Variants in NIBAN1 observed in about 807,000 individuals in gnomAD.
NIBAN1 encodes the protein niban apoptosis regulator 1, also known as protein Niban 1.
NIBAN1 carries 81 observed loss-of-function variants against 75.1 expected under a neutral mutation model. The ratio of observed to expected loss-of-function variants is 1.08; its 90% CI spans 0.90 to 1.30. The LOEUF (loss-of-function observed/expected upper bound fraction) is 1.30, where lower values mean the gene tolerates loss of function less well. Ranked by LOEUF, NIBAN1 falls within the 50% of genes most tolerant of loss-of-function variation. NIBAN1 has a pLI of 0.00. For missense variants in NIBAN1, 1,133 were observed against 1,128.1 expected, an observed-to-expected ratio of 1.00 and a Z score of -0.06; for synonymous variants, 436 against 424.8, an observed-to-expected ratio of 1.03 and a Z score of -0.32.
At chr1:184,821,863 C>T (rs1235327326) in intron 8 of NIBAN1, among the ~76,000 whole-genome samples, 2 of 151,902 alleles carry the variant, frequency 1.3e-5, no homozygotes, top group Non-Finnish European at 2.9e-5. Context: ...AAATAGACAC[C>T]CAGAGATACA....
rs552724775 is a variant in NIBAN1, at chr1:184,794,192, G to T, written c.*785C>A. ...TGTTTAATTGACGGGTTTTAAGCTC[G>T]ATAACTTAGCTAAGCCCTTTGCACA... On this transcript the variant is annotated 3_prime_UTR_variant, in exon 14 of 14. Coordinates refer to ENST00000367511, the MANE Select transcript of NIBAN1 (RefSeq NM_052966.4). The T allele has an allele frequency of 6.6e-6, 1 of 152,150 alleles. No homozygotes were observed. The highest frequency in any genetic ancestry group is 1.5e-5 in the Non-Finnish European group (1 of 68,066). The allele number at this position is 152,150 out of a possible 1,614,324, so 9.4% of individuals were successfully genotyped here. A position where few individuals can be genotyped will look rare whatever the true frequency, so the allele number is the denominator to read the frequency against.
At chr1:184,924,161 A>C (rs1657628114) in intron 1 of NIBAN1, among the ~76,000 whole-genome samples, 1 of 152,118 alleles carries the variant, frequency 6.6e-6, no homozygotes, top group Non-Finnish European at 1.5e-5. Context: ...CAGATCTTAG[A>C]GGAAAGGATT....
chr1:184,872,289 G>T (rs576196892), intron 5 of NIBAN1, among the ~76,000 whole-genome samples: 1 of 151,606 alleles, frequency 6.6e-6, no homozygotes, highest in African/African-American at 2.4e-5. Context: ...TTTAAACTCC[G>T]TAGATAAGGT....
intron 1 of NIBAN1, among the ~76,000 whole-genome samples, chr1:184,934,073 A>G (rs1657892447): frequency 6.6e-6 from 1 of 152,230 alleles, no homozygotes; most frequent in South Asian, 2.1e-4. Context: ...GAATCAACCT[A>G]GGTGCCCATC....
intron 5 of NIBAN1, among the ~76,000 whole-genome samples, chr1:184,842,151 GT>G (rs1643634078): frequency 6.6e-6 from 1 of 152,160 alleles, no homozygotes; most frequent in African/African-American, 2.4e-5. Context: ...ACAAACCCAG[GT>G]TGCAAATGAT....
At chr1:184,912,661 C>G (rs1418442109) in intron 1 of NIBAN1, among the ~76,000 whole-genome samples, 1 of 152,178 alleles carries the variant, frequency 6.6e-6, no homozygotes, top group East Asian at 1.9e-4. Context: ...CATTTGTCTT[C>G]TTACTGACAT....
intron 5 of NIBAN1, among the ~76,000 whole-genome samples, chr1:184,854,125 T>A (rs1655615404): frequency 6.6e-6 from 1 of 152,210 alleles, no homozygotes; most frequent in African/African-American, 2.4e-5. Flanking sequence ...CTTTTATACC[T>A]ACAGCACATT....
intron 1 of NIBAN1, among the ~76,000 whole-genome samples, chr1:184,901,148 T>G (rs931970168): frequency 8.5e-5 from 13 of 152,162 alleles, no homozygotes; most frequent in Non-Finnish European, 1.9e-4. Flanking sequence ...CTACTTTTGT[T>G]TGGGAATTTA....
In NIBAN1 at chr1:184,974,438, AC is replaced by A; in HGVS notation, c.-83del. The A allele has an allele frequency of 6.7e-7, 1 of 1,486,558 alleles. No individual in the cohort carries two copies. The highest frequency in any genetic ancestry group is 9.0e-7 in the Non-Finnish European group (1 of 1,114,892). 92.1% of individuals were successfully genotyped at this position (1,486,558 alleles called of 1,614,324 possible). A position where few individuals can be genotyped will look rare whatever the true frequency, so the allele number is the denominator to read the frequency against. On this transcript the variant is annotated 5_prime_UTR_variant, in exon 1 of 14. Transcript: ENST00000367511. Reference sequence around the variant, plus strand: ...CTCCTGGAGGTTGATCCGACGGCGAACCCGGCTCTGAAATTAAGAGCAAACT... The same window carrying A: ...CTCCTGGAGGTTGATCCGACGGCGAACCGGCTCTGAAATTAAGAGCAAACT...
chr1:184,893,016 C>G (rs905042490), intron 3 of NIBAN1, among the ~76,000 whole-genome samples: 5 of 152,184 alleles, frequency 3.3e-5, no homozygotes, highest in African/African-American at 1.2e-4. Context: ...GGGTGATCCA[C>G]CTGCCTTGGC....
intron 5 of NIBAN1, among the ~76,000 whole-genome samples, chr1:184,863,071 A>G (rs16823626): frequency 0.079 from 12,045 of 152,112 alleles, 1,599 homozygotes; most frequent in African/African-American, 0.27. Flanking sequence ...CGTCCTCCTT[A>G]AAAGAGTTCT....
rs1204852407 is a variant in NIBAN1 at position 184,791,726 on chromosome 1, T to C, written c.*3251A>G. 3 of 152,016 alleles carry C rather than the reference T, an allele frequency of 2.0e-5. No homozygotes were observed. Among genetic ancestry groups the C allele is most frequent in the African/African-American group, 7.3e-5 (3 of 41,362 alleles). 9.4% of individuals were successfully genotyped at this position (152,016 alleles called of 1,614,324 possible). On this transcript the variant is annotated 3_prime_UTR_variant, in exon 14 of 14. Transcript: ENST00000367511. ...TTGCCCATAGGAGAGATACCCAGAGTGGCAAACAGAGGCTAAGGAAAAAAA... is the reference window on the plus strand; with the variant it reads ...TTGCCCATAGGAGAGATACCCAGAGCGGCAAACAGAGGCTAAGGAAAAAAA...
chr1:184,823,474 T>G, intron 7 of NIBAN1, 145 bp from the exon 8 acceptor site: 1 of 1,314,440 alleles, frequency 7.6e-7, no homozygotes, highest in Non-Finnish European at 1.0e-6. Context: ...AGTTGGAGTC[T>G]GTTTGGAACA....
chr1:184,920,914 AC>A (rs1657515455), intron 1 of NIBAN1, among the ~76,000 whole-genome samples: 1 of 152,126 alleles, frequency 6.6e-6, no homozygotes, highest in Non-Finnish European at 1.5e-5. Flanking sequence ...CAGGTGGATC[AC>A]CTGAGGTCAG....
In NIBAN1 at chr1:184,827,560, G is replaced by GTTTTTTTCT. The variant is rs1553217803; in HGVS notation, c.718-3819_718-3818insAGAAAAAAA. ...ACATAAGTGACCTAAAAATACTTCA[G>GTTTTTTTCT]TTTTTTTTTTTTTTAATGGGGGGTG... On this transcript the variant is annotated intron_variant, in intron 6 of 13. Coordinates refer to ENST00000367511, the MANE Select transcript of NIBAN1 (RefSeq NM_052966.4). 5.1e-5 allele frequency among the ~76,000 whole-genome samples: 6 copies of GTTTTTTTCT among 117,682 alleles called. 1 individual carries two copies. The South Asian group carries it at 7.5e-4, about 15-fold the overall frequency. 77.2% of individuals were successfully genotyped at this position (117,682 alleles called of 152,430 possible).
intron 5 of NIBAN1, among the ~76,000 whole-genome samples, chr1:184,847,083 A>G (rs2102260051): frequency 1.5e-5 from 1 of 66,852 alleles, no homozygotes; most frequent in East Asian, 2.9e-4. Flanking sequence ...TCCCCAATCT[A>G]GCAAGGCAGG....
In NIBAN1 at chr1:184,803,978, G is replaced by A. The variant is rs1004568702; in HGVS notation, c.1447-286C>T. Among the ~76,000 whole-genome samples, 47 of 152,192 alleles carry A rather than the reference G, an allele frequency of 3.1e-4. 2 individuals carry two copies. The highest frequency in any genetic ancestry group is 1.0e-4 in the Non-Finnish European group (7 of 68,022). ...TTATAAAGAAGTTGGGGATAGAACT[G>A]GGGGGTGAGTTTGTATTTTATTACT... On this transcript the variant is annotated intron_variant, in intron 11 of 13. Transcript: ENST00000367511.
chr1:184,843,084 C>A (rs1281730542), intron 5 of NIBAN1, among the ~76,000 whole-genome samples: 1 of 152,186 alleles, frequency 6.6e-6, no homozygotes, highest in Non-Finnish European at 1.5e-5. Context: ...AAAAATAGTA[C>A]CACAATGAAG....
chr1:184,795,265 G>T lies in NIBAN1; in HGVS notation c.2499C>A (p.Thr833=). The change falls in exon 14 of 14, where the codon ACC becomes ACA. Residue 833 remains threonine (T), a synonymous_variant. Transcript: ENST00000367511. The stretch of plus-strand genomic sequence containing the variant: ...CTTGCTGTGAGGCATCCCCTTCCTC[G>T]GTACACTTGCCCCCTCTTCCTTCAT... ...TAHEGRGGKC[T]EEGDASQQEG... 1 of 1,613,094 alleles carries T rather than the reference G, an allele frequency of 6.2e-7. No individual in the cohort carries two copies. Among genetic ancestry groups the T allele is most frequent in the East Asian group, 2.2e-5 (1 of 44,884 alleles).
Sources: allele counts gnomAD v4.1 joint callset (sites outside exome capture counted in the v4.1 genomes callset), GRCh38; gene constraint gnomAD v4.1.1; transcripts MANE v1.5; gene names NCBI Gene and HGNC (gene_info 2026-07-23, HGNC 2026-07-21).